SEMA5A: variants seen among roughly 807,000 people sequenced by gnomAD.
The protein encoded by SEMA5A is semaphorin 5A.
SEMA5A carries 55 observed loss-of-function variants against 135.5 expected under a neutral mutation model. That is an observed-to-expected ratio of 0.41 (90% CI 0.33 to 0.51). The LOEUF (loss-of-function observed/expected upper bound fraction) is 0.51, where lower values mean the gene tolerates loss of function less well. Among genes scored for constraint, SEMA5A ranks in the 20% least tolerant of loss-of-function variants. SEMA5A has a pLI of 0.37. For synonymous variants in SEMA5A, 580 were observed against 546.5 expected (o/e 1.06, Z -0.85); for missense variants, 1,290 against 1,419.9 (o/e 0.91, Z 1.47).
At chr5:9,187,339 T>C (rs892282105) in intron 11 of SEMA5A, among the ~76,000 whole-genome samples, 1 of 152,112 alleles carries the variant, frequency 6.6e-6, no homozygotes, top group African/African-American at 2.4e-5. Flanking sequence ...AGTTGAGACA[T>C]GAAATATGTA....
intron 15 of SEMA5A, among the ~76,000 whole-genome samples, chr5:9,108,695 T>C (rs1051662356): frequency 6.6e-6 from 1 of 152,228 alleles, no homozygotes; most frequent in Non-Finnish European, 1.5e-5. Flanking sequence ...TAGCTTTACT[T>C]GGAATTCCTT....
At chr5:9,341,553 G>A (rs1004968666) in intron 3 of SEMA5A, among the ~76,000 whole-genome samples, 3 of 151,388 alleles carry the variant, frequency 2.0e-5, no homozygotes, top group African/African-American at 4.9e-5. Context: ...ATTGCCCCCA[G>A]TGAGTTTACC....
chr5:9,131,732 C>T (rs1043495360), intron 13 of SEMA5A, among the ~76,000 whole-genome samples: 10 of 150,980 alleles, frequency 6.6e-5, no homozygotes, highest in African/African-American at 9.8e-5. Flanking sequence ...ATGAGAGATT[C>T]GCCCCCATGA....
intron 6 of SEMA5A, among the ~76,000 whole-genome samples, chr5:9,231,836 T>C (rs1440265149): frequency 6.6e-6 from 1 of 152,236 alleles, no homozygotes; most frequent in Non-Finnish European, 1.5e-5. Context: ...TAATGAATTC[T>C]GATTTTCCAA....
chr5:9,199,024 G>A (rs1561012518), intron 9 of SEMA5A, among the ~76,000 whole-genome samples: 1 of 152,216 alleles, frequency 6.6e-6, no homozygotes, highest in African/African-American at 2.4e-5. Flanking sequence ...AGCACAGAGA[G>A]TTTACGCAGC....
chr5:9,215,056 G>A (rs1030492469), intron 8 of SEMA5A, among the ~76,000 whole-genome samples: 1 of 152,142 alleles, frequency 6.6e-6, no homozygotes, highest in East Asian at 1.9e-4. Flanking sequence ...TAGCAGTACT[G>A]TAGAGAGAGG....
chr5:9,107,954 G>T (rs1055234435), intron 16 of SEMA5A, among the ~76,000 whole-genome samples, 186 bp downstream of exon 16: 1 of 152,204 alleles, frequency 6.6e-6, no homozygotes, highest in Non-Finnish European at 1.5e-5. Flanking sequence ...CTTCTAGAAT[G>T]TACAGAGCAC....
intron 8 of SEMA5A, among the ~76,000 whole-genome samples, chr5:9,205,433 A>G (rs993022951): frequency 6.6e-6 from 1 of 152,168 alleles, no homozygotes; most frequent in Non-Finnish European, 1.5e-5. Context: ...AGGGCCAACC[A>G]TAGCCTCAGA....
chr5:9,252,842 G>C (rs1748871339), intron 5 of SEMA5A, among the ~76,000 whole-genome samples: 1 of 152,166 alleles, frequency 6.6e-6, no homozygotes, highest in South Asian at 2.1e-4. Flanking sequence ...CCCTGGGGAG[G>C]TGTGAAGAAC....
At chr5:9,524,838 A>T (rs945723837) in intron 1 of SEMA5A, among the ~76,000 whole-genome samples, 12 of 152,202 alleles carry the variant, frequency 7.9e-5, no homozygotes, top group Admixed American at 7.2e-4. Flanking sequence ...CTTCCCATGA[A>T]GGGATTTGAG....
chr5:9,258,167 A>C (rs114919243), intron 5 of SEMA5A, among the ~76,000 whole-genome samples: 4,102 of 152,344 alleles, frequency 0.027, 88 homozygotes, highest in South Asian at 0.066. Flanking sequence ...TGAAAAGAAT[A>C]TCAAGAGAAG....
chr5:9,245,298 T>C (rs1748427551), intron 5 of SEMA5A, among the ~76,000 whole-genome samples: 1 of 152,094 alleles, frequency 6.6e-6, no homozygotes, highest in African/African-American at 2.4e-5. Flanking sequence ...CAAAAAAACA[T>C]AGCACACACA....
At chr5:9,505,681 G>A (rs1488427899) in intron 1 of SEMA5A, among the ~76,000 whole-genome samples, 1 of 152,196 alleles carries the variant, frequency 6.6e-6, no homozygotes, top group Non-Finnish European at 1.5e-5. Context: ...AACCTTGCAG[G>A]TGGCTCCCAA....
chr5:9,292,214 A>G (rs375687754), intron 5 of SEMA5A, among the ~76,000 whole-genome samples: 1 of 152,212 alleles, frequency 6.6e-6, no homozygotes, highest in Non-Finnish European at 1.5e-5. Flanking sequence ...TTGTAAATCA[A>G]TTCTGTGAAT....
intron 11 of SEMA5A, among the ~76,000 whole-genome samples, chr5:9,171,352 T>C (rs1743911491): frequency 6.6e-6 from 1 of 152,110 alleles, no homozygotes; most frequent in Admixed American, 6.5e-5. Flanking sequence ...GTCTGAAATA[T>C]GAAAGCAAAC....
At chr5:9,538,940 CT>C (rs1304131499) in intron 1 of SEMA5A, among the ~76,000 whole-genome samples, 3 of 152,138 alleles carry the variant, frequency 2.0e-5, no homozygotes, top group Non-Finnish European at 4.4e-5. Context: ...CCAGAATTTT[CT>C]TTTTAAAAAA....
chr5:9,143,722 C>T (rs538718996), intron 12 of SEMA5A, among the ~76,000 whole-genome samples: 18 of 152,282 alleles, frequency 1.2e-4, no homozygotes, highest in African/African-American at 3.8e-4. Context: ...TTGTGATTAA[C>T]TTGGTTTGCC....
intron 12 of SEMA5A, among the ~76,000 whole-genome samples, chr5:9,154,117 A>ATG (rs1742818582): frequency 8.3e-6 from 1 of 120,212 alleles, no homozygotes; most frequent in African/African-American, 3.1e-5. Flanking sequence ...ATGTGTGTGT[A>ATG]TGTATGTATG....
chr5:9,195,660 C>T (rs762883673), intron 10 of SEMA5A, among the ~76,000 whole-genome samples: 22 of 152,164 alleles, frequency 1.4e-4, no homozygotes, highest in Non-Finnish European at 2.6e-4. Flanking sequence ...TCAAGGAAAG[C>T]AGCACATGGA....
Sources: gnomAD v4.1 joint callset for allele counts (sites outside exome capture counted in the v4.1 genomes callset) on GRCh38, gnomAD v4.1.1 for gene constraint, MANE v1.5 for transcripts, NCBI Gene and HGNC (gene_info 2026-07-23, HGNC 2026-07-21) for gene names.